Variants in PRR5L observed in about 807,000 individuals in gnomAD.
PRR5L encodes proline-rich protein 5-like.
Under a neutral mutation model 36.4 loss-of-function variants are expected in PRR5L, and 21 were observed. The ratio of observed to expected loss-of-function variants is 0.58; its 90% CI spans 0.41 to 0.83. The LOEUF (loss-of-function observed/expected upper bound fraction) is 0.83, where lower values mean the gene tolerates loss of function less well. Among genes scored for constraint, PRR5L ranks in the 40% least tolerant of loss-of-function variants. PRR5L has a pLI of 0.00. For synonymous variants in PRR5L, 188 were observed against 197.0 expected, an observed-to-expected ratio of 0.95 and a Z score of 0.38; for missense variants, 381 against 473.3, an observed-to-expected ratio of 0.80 and a Z score of 1.81.
Position 36,403,285 on chromosome 11 carries a change from T to A in PRR5L, c.165-13T>A, listed in dbSNP as rs780337113. 5.6e-5 allele frequency: 90 copies of A among 1,612,838 alleles called. No homozygotes were observed. Among genetic ancestry groups the A allele is most frequent in the Non-Finnish European group, 7.5e-5 (88 of 1,178,970 alleles). On this transcript the variant is annotated splice_polypyrimidine_tract_variant and intron_variant, in intron 2 of 8. Transcript: ENST00000530639. The stretch of plus-strand genomic sequence containing the variant: ...GAGATTCTCTAACCAGGGGTTATTC[T>A]CTTTTCCTGTAGCGTTCAGACTGCT...
chr11:36,423,192 G>A (rs11033616), intron 4 of PRR5L, among the ~76,000 whole-genome samples: 49 of 152,250 alleles, frequency 3.2e-4, no homozygotes, highest in African/African-American at 1.1e-3. Flanking sequence ...AGCTACTACC[G>A]TTGTCAATAG....
At chr11:36,302,943 A>G (rs1293148685) in intron 1 of PRR5L, among the ~76,000 whole-genome samples, 1 of 152,226 alleles carries the variant, frequency 6.6e-6, no homozygotes, top group East Asian at 1.9e-4. Context: ...ACCTCTATTT[A>G]TGAGAGAAGC....
At position 36,437,493 on chromosome 11, in the gene PRR5L, A is replaced by T. The variant is rs1466926648; in HGVS notation, c.444+17A>T. ...CCAGTTCAGGTTAGTCTCATTGGGG[A>T]ACACTTCCTGCCATCCTCAGCGATC... On this transcript the variant is annotated intron_variant, in intron 6 of 8. Coordinates refer to ENST00000530639, the MANE Select transcript of PRR5L (RefSeq NM_001160167.2). The T allele has an allele frequency of 6.8e-7, 1 of 1,467,370 alleles. No individual in the cohort carries two copies. The highest frequency in any genetic ancestry group is 2.3e-5 in the East Asian group (1 of 44,130). 90.9% of individuals were successfully genotyped at this position (1,467,370 alleles called of 1,614,324 possible). A position where few individuals can be genotyped will look rare whatever the true frequency, so the allele number is the denominator to read the frequency against.
chr11:36,296,770 T>G (rs937192606), intron 1 of PRR5L, among the ~76,000 whole-genome samples: 3 of 152,234 alleles, frequency 2.0e-5, no homozygotes, highest in African/African-American at 7.2e-5. Context: ...GTATTGCATA[T>G]GTATACCTAT....
intron 1 of PRR5L, among the ~76,000 whole-genome samples, chr11:36,341,045 C>A (rs1856812129): frequency 6.6e-6 from 1 of 152,162 alleles, no homozygotes; most frequent in Non-Finnish European, 1.5e-5. Flanking sequence ...CATCTCCATC[C>A]CAGATTCTCT....
At chr11:36,404,204 C>G (rs1221982947) in intron 3 of PRR5L, among the ~76,000 whole-genome samples, 1 of 151,422 alleles carries the variant, frequency 6.6e-6, no homozygotes, top group Non-Finnish European at 1.5e-5. Flanking sequence ...GAAATGAGAG[C>G]AGCAAGTCAG....
rs1491493668 is a variant in PRR5L at position 36,374,104 on chromosome 11, T to TCCTTCCTG, written c.-125-26890_-125-26889insTCCTGCCT. On this transcript the variant is annotated intron_variant, in intron 1 of 8. Coordinates refer to ENST00000530639, the MANE Select transcript of PRR5L (RefSeq NM_001160167.2). ...TTCCTTCCTTCCTTCCTTCCTTCCT[T>TCCTTCCTG]CCTCTCTCTCTCTCTCTCTTTCTTT... 2.8e-3 allele frequency among the ~76,000 whole-genome samples: 285 copies of TCCTTCCTG among 101,352 alleles called. 4 individuals carry two copies. Among genetic ancestry groups the TCCTTCCTG allele is most frequent in the Non-Finnish European group, 3.6e-3 (191 of 52,816 alleles). The allele number at this position is 101,352 out of a possible 152,430, so 66.5% of individuals were successfully genotyped here. A position where few individuals can be genotyped will look rare whatever the true frequency, so the allele number is the denominator to read the frequency against.
chr11:36,336,481 C>G (rs1856769957), intron 1 of PRR5L, among the ~76,000 whole-genome samples: 1 of 150,282 alleles, frequency 6.7e-6, no homozygotes, highest in African/African-American at 2.4e-5. Context: ...CTGCCTGCCT[C>G]TGCCTCCCAA....
At chr11:36,425,855 C>A (rs1018874163) in intron 4 of PRR5L, 2 of 152,162 alleles carry the variant, frequency 1.3e-5, no homozygotes, top group Non-Finnish European at 2.9e-5. Context: ...AATTTGCAGC[C>A]CTGGGTTTAT....
chr11:36,360,033 TCACACACA>T (rs34561988), intron 1 of PRR5L, among the ~76,000 whole-genome samples: 73 of 146,666 alleles, frequency 5.0e-4, no homozygotes, highest in East Asian at 1.6e-3. Context: ...TGAGACTCTG[TCACACACA>T]CACACACACA....
chr11:36,435,156 C>T (rs527268643), intron 5 of PRR5L, among the ~76,000 whole-genome samples: 23 of 152,172 alleles, frequency 1.5e-4, no homozygotes, highest in Middle Eastern at 6.8e-3. Context: ...TTCTAGGAAC[C>T]AGGGTGACTC....
At chr11:36,449,705 C>T (rs1043176454) in intron 7 of PRR5L, among the ~76,000 whole-genome samples, 1 of 152,170 alleles carries the variant, frequency 6.6e-6, no homozygotes, top group Non-Finnish European at 1.5e-5. Context: ...TTTTTGAACA[C>T]GAGGCCCTGC....
chr11:36,374,735 C>T (rs2133516205), intron 1 of PRR5L, among the ~76,000 whole-genome samples: 1 of 152,266 alleles, frequency 6.6e-6, no homozygotes, highest in South Asian at 2.1e-4. Flanking sequence ...TCACTAAATC[C>T]TCATAGCCAC....
At chr11:36,383,411 G>T (rs745998606) in intron 1 of PRR5L, among the ~76,000 whole-genome samples, 1 of 152,134 alleles carries the variant, frequency 6.6e-6, no homozygotes, top group Non-Finnish European at 1.5e-5. Context: ...GCAGCCCGTG[G>T]GCCAAACTTT....
At chr11:36,299,703 C>T (rs1420415527) in intron 1 of PRR5L, among the ~76,000 whole-genome samples, 3 of 152,134 alleles carry the variant, frequency 2.0e-5, no homozygotes, top group African/African-American at 4.8e-5. Flanking sequence ...CGAATTCACC[C>T]AAAAGAGATT....
At chr11:36,312,086 T>C (rs1361098153) in intron 1 of PRR5L, among the ~76,000 whole-genome samples, 5 of 152,010 alleles carry the variant, frequency 3.3e-5, no homozygotes, top group African/African-American at 1.2e-4. Flanking sequence ...TACTAATAGG[T>C]AGGGCTTGGG....
chr11:36,459,056 C>T (rs1378650724), intron 8 of PRR5L, among the ~76,000 whole-genome samples: 1 of 152,182 alleles, frequency 6.6e-6, no homozygotes, highest in Non-Finnish European at 1.5e-5. Flanking sequence ...GAACAGAATC[C>T]ACCCATCCCC....
At chr11:36,319,224 G>T (rs1856589227) in intron 1 of PRR5L, among the ~76,000 whole-genome samples, 1 of 152,206 alleles carries the variant, frequency 6.6e-6, no homozygotes, top group African/African-American at 2.4e-5. Context: ...GTGAGGGCCT[G>T]GCCCAAGACT....
At chr11:36,419,365 G>A (rs1235185074) in intron 4 of PRR5L, 62 bp downstream of exon 4, 37 of 1,420,772 alleles carry the variant, frequency 2.6e-5, no homozygotes, top group Non-Finnish European at 3.7e-5. Flanking sequence ...GACCTAAAAG[G>A]GGTGGCCAAT....
Sources: gnomAD v4.1 joint callset for allele counts (sites outside exome capture counted in the v4.1 genomes callset) on GRCh38, gnomAD v4.1.1 for gene constraint, MANE v1.5 for transcripts, NCBI Gene and HGNC (gene_info 2026-07-23, HGNC 2026-07-21) for gene names.